C5: variants seen among roughly 807,000 people sequenced by gnomAD.
The protein encoded by C5 is C3 and PZP-like alpha-2-macroglobulin domain-containing protein 4.
A neutral mutation model predicts 218.8 loss-of-function variants in C5; 140 were observed. The observed-to-expected ratio is 0.64, with a 90% confidence interval of 0.56 to 0.74. The LOEUF (loss-of-function observed/expected upper bound fraction) is 0.74, where lower values mean the gene tolerates loss of function less well. C5 is among the 30% of genes least tolerant of loss of function. The pLI is 0.00. For missense variants in C5, 1,700 were observed against 1,969.6 expected (o/e 0.86, Z 2.59); for synonymous variants, 614 against 682.3 (o/e 0.90, Z 1.56).
At chr9:120,990,911 C>G (rs1010864600) in intron 23 of C5, among the ~76,000 whole-genome samples, 1 of 152,172 alleles carries the variant, frequency 6.6e-6, no homozygotes, top group African/African-American at 2.4e-5. Context: ...CTAGAAGCAA[C>G]TGGACCCCCA....
intron 33 of C5, among the ~76,000 whole-genome samples, chr9:120,966,120 A>C (rs778277832): frequency 3.9e-5 from 6 of 152,212 alleles, no homozygotes; most frequent in Non-Finnish European, 8.8e-5. Context: ...TAAGTACTAC[A>C]CAGTTCCTTT....
intron 25 of C5, among the ~76,000 whole-genome samples, chr9:120,983,365 C>A (rs1192940065): frequency 6.6e-6 from 1 of 152,128 alleles, no homozygotes; most frequent in African/African-American, 2.4e-5. Flanking sequence ...CAAGTCTCTA[C>A]TAATACCCAT....
intron 20 of C5, among the ~76,000 whole-genome samples, chr9:121,004,981 C>CT (rs1211342783): frequency 5.5e-5 from 3 of 54,882 alleles, no homozygotes; most frequent in Non-Finnish European, 1.2e-4. Context: ...GAGACTCCGT[C>CT]TTAAAAAAAA....
chr9:120,982,245 C>G (rs1307925295), intron 26 of C5, among the ~76,000 whole-genome samples: 3 of 152,206 alleles, frequency 2.0e-5, no homozygotes, highest in Non-Finnish European at 2.9e-5. Context: ...CTCCTGACCT[C>G]ATGATCCGCC....
the C5 span, among the ~76,000 whole-genome samples, chr9:121,072,187 G>A: frequency 6.6e-6 from 1 of 152,070 alleles, no homozygotes; most frequent in Non-Finnish European, 1.5e-5. Context: ...GCCCATCCGC[G>A]GCTAACTGGA....
chr9:120,962,646 G>C, intron 36 of C5, 25 bp downstream of exon 36: 4 of 1,478,442 alleles, frequency 2.7e-6, no homozygotes, highest in Non-Finnish European at 3.8e-6. Flanking sequence ...TTCTTCTGAA[G>C]AAATGTTAGC....
chr9:121,069,876 T>C, the C5 span, among the ~76,000 whole-genome samples: 1 of 152,258 alleles, frequency 6.6e-6, no homozygotes, highest in African/African-American at 2.4e-5. Flanking sequence ...TGGAGAACAG[T>C]GTGGAAGTTC....
intron 20 of C5, among the ~76,000 whole-genome samples, chr9:121,002,239 T>TAC (rs2047171680): frequency 2.5e-4 from 11 of 44,532 alleles, no homozygotes; most frequent in Admixed American, 1.2e-3. Flanking sequence ...TGTATATATG[T>TAC]ATATGTATAT....
chr9:120,956,694 T>C (rs2046787172), intron 39 of C5, among the ~76,000 whole-genome samples: 1 of 152,174 alleles, frequency 6.6e-6, no homozygotes, highest in Non-Finnish European at 1.5e-5. Flanking sequence ...AACATGTTAC[T>C]GATACAAAAA....
At chr9:121,018,165 A>G (rs1272631063) in intron 12 of C5, among the ~76,000 whole-genome samples, 1 of 145,536 alleles carries the variant, frequency 6.9e-6, no homozygotes, top group Non-Finnish European at 1.5e-5. Flanking sequence ...AGGCATGAGA[A>G]TTACTGGAGC....
chr9:120,979,728 T>C (rs1249510877), intron 28 of C5: 30 of 282,840 alleles, frequency 1.1e-4, no homozygotes, highest in Non-Finnish European at 1.6e-4. Flanking sequence ...ATCTGCAAAA[T>C]ATAAAAAAAA....
the C5 span, among the ~76,000 whole-genome samples, chr9:121,070,403 A>ATG: frequency 7.5e-6 from 1 of 133,990 alleles, no homozygotes; most frequent in Non-Finnish European, 1.6e-5. Flanking sequence ...ATATATATAT[A>ATG]TATATATATA....
At position 121,017,630 on chromosome 9, in the gene C5, A is replaced by G; in HGVS notation, c.1716+13T>C. ...AAAGAAAATTCAATTGTGACTTATA[A>G]TTTGTGGCTTACCTGGAGCTGGTTG... On this transcript the variant is annotated intron_variant, in intron 13 of 40. Coordinates refer to ENST00000223642, the MANE Select transcript of C5 (RefSeq NM_001735.3). 6.2e-7 allele frequency: 1 copy of G among 1,611,810 alleles called. No homozygotes were observed. The highest frequency in any genetic ancestry group is 1.3e-5 in the African/African-American group (1 of 75,032).
chr9:120,963,842 C>A, intron 33 of C5, 104 bp from the exon 34 acceptor site: 2 of 821,844 alleles, frequency 2.4e-6, no homozygotes, highest in Middle Eastern at 3.1e-4. Flanking sequence ...TTTGGGTCTC[C>A]ATTTATTTGC....
chr9:120,971,882 G>T, intron 31 of C5, 48 bp downstream of exon 31: 1 of 1,414,602 alleles, frequency 7.1e-7, no homozygotes, highest in Non-Finnish European at 1.0e-6. Context: ...ATGTTACCTA[G>T]TACAAATGGA....
chr9:121,056,252 G>A, the C5 span, among the ~76,000 whole-genome samples: 1 of 152,208 alleles, frequency 6.6e-6, no homozygotes, highest in Admixed American at 6.5e-5. Flanking sequence ...CTCACTGAAT[G>A]GACTGAATAA....
At position 120,962,655 on chromosome 9, in the gene C5, GC is replaced by G. The variant is rs1453140518; in HGVS notation, c.4504+15del. 5 of 1,516,440 alleles carry G rather than the reference GC, an allele frequency of 3.3e-6. No homozygotes were observed. Among genetic ancestry groups the G allele is most frequent in the Non-Finnish European group, 3.7e-6 (4 of 1,091,206 alleles). 93.9% of individuals were successfully genotyped at this position (1,516,440 alleles called of 1,614,324 possible). On this transcript the variant is annotated intron_variant, in intron 36 of 40. Transcript: ENST00000223642. The stretch of plus-strand genomic sequence containing the variant: ...AAAGTATTCTTCTGAAGAAATGTTA[GC>G]ATGGAGTTGATTACCTGGTCTGTGG...
At chr9:120,961,333 C>G (rs16910233) in intron 37 of C5, 149 bp downstream of exon 37, 13,880 of 677,916 alleles carry the variant, frequency 0.02, 914 homozygotes, top group African/African-American at 0.18. Flanking sequence ...TTACAATGCT[C>G]AAGGAATCAT....
At position 120,963,685 on chromosome 9, in the gene C5, T is replaced by C. The variant is rs1298175837; in HGVS notation, c.4274A>G (p.Asp1425Gly). The C allele has an allele frequency of 6.2e-7, 1 of 1,613,950 alleles. No homozygotes were observed. Among genetic ancestry groups the C allele is most frequent in the Admixed American group, 1.7e-5 (1 of 60,010 alleles). ...ACTGATTCCAGTAGGCAAGGAGATG[T>C]CCATCACCGCATGAGAGGATCCAGA... ...SSSGSSHAVM[D>G]ISLPTGISAN... Residue 1425 changes from aspartate (D) to glycine (G), a missense_variant, in exon 34 of 41, where the codon GAC becomes GGC. Coordinates refer to ENST00000223642, the MANE Select transcript of C5 (RefSeq NM_001735.3).
Sources: gnomAD v4.1 joint callset for allele counts (sites outside exome capture counted in the v4.1 genomes callset) on GRCh38, gnomAD v4.1.1 for gene constraint, MANE v1.5 for transcripts, NCBI Gene and HGNC (gene_info 2026-07-23, HGNC 2026-07-21) for gene names.